Variants in RNF220 observed in about 807,000 individuals in gnomAD.
RNF220 encodes the protein E3 ubiquitin-protein ligase RNF220.
Under a neutral mutation model 67.1 loss-of-function variants are expected in RNF220, and 7 were observed. The observed-to-expected ratio is 0.10, with a 90% confidence interval of 0.06 to 0.20. The LOEUF is 0.20. RNF220 is among the 10% of genes least tolerant of loss of function. The pLI is 1.00. For synonymous variants in RNF220, 270 were observed against 283.2 expected (o/e 0.95, Z 0.47); for missense variants, 565 against 740.3 (o/e 0.76, Z 2.75).
At chr1:44,485,136 A>G (rs917736023) in intron 2 of RNF220, among the ~76,000 whole-genome samples, 3 of 152,226 alleles carry the variant, frequency 2.0e-5, no homozygotes, top group Admixed American at 1.3e-4. Context: ...ACTCCATCAA[A>G]AAACAAAGAA....
At chr1:44,528,055 A>G (rs1261053878) in intron 2 of RNF220, among the ~76,000 whole-genome samples, 3 of 152,092 alleles carry the variant, frequency 2.0e-5, no homozygotes, top group African/African-American at 7.2e-5. Context: ...TACAACAACA[A>G]AAGCCCCACC....
chr1:44,588,190 T>C (rs1414492578), intron 2 of RNF220, among the ~76,000 whole-genome samples: 1 of 152,228 alleles, frequency 6.6e-6, no homozygotes, highest in Non-Finnish European at 1.5e-5. Flanking sequence ...GCCCTGGGCA[T>C]ATCCTGCAAT....
At chr1:44,408,286 G>C (rs1006232757) in intron 1 of RNF220, among the ~76,000 whole-genome samples, 5 of 152,156 alleles carry the variant, frequency 3.3e-5, no homozygotes, top group Admixed American at 2.0e-4. Flanking sequence ...TCTCGGATTC[G>C]CACCCTTTGG....
intron 2 of RNF220, among the ~76,000 whole-genome samples, chr1:44,520,994 CA>C (rs1659894233): frequency 6.6e-6 from 1 of 152,174 alleles, no homozygotes; most frequent in South Asian, 2.1e-4. Flanking sequence ...CTCCTGGGCT[CA>C]AAGGATCCTC....
chr1:44,492,479 T>A (rs1656938204), intron 2 of RNF220, among the ~76,000 whole-genome samples: 1 of 152,182 alleles, frequency 6.6e-6, no homozygotes, highest in African/African-American at 2.4e-5. Flanking sequence ...TGCATAGAAG[T>A]ATTATTCATG....
Position 44,645,938 on chromosome 1 carries a change from G to A in RNF220, c.1445+450G>A, listed in dbSNP as rs1483948802. 3.3e-5 allele frequency among the ~76,000 whole-genome samples: 5 copies of A among 152,190 alleles called. No homozygotes were observed. Among genetic ancestry groups the A allele is most frequent in the Non-Finnish European group, 7.4e-5 (5 of 68,020 alleles). The stretch of plus-strand genomic sequence containing the variant: ...ACTTCTGGTAGGAATTTTTGGCCTG[G>A]GTTCTCTGGCAGAGGAAAAGGGATC... On this transcript the variant is annotated intron_variant, in intron 12 of 14. Coordinates refer to ENST00000361799, the MANE Select transcript of RNF220 (RefSeq NM_018150.4). This position sits in a 1 kb window ranked among gnomAD's most constrained non-coding sequence, Gnocchi z 5.0.
At chr1:44,540,189 A>G (rs1375018094) in intron 2 of RNF220, among the ~76,000 whole-genome samples, 1 of 152,094 alleles carries the variant, frequency 6.6e-6, no homozygotes, top group African/African-American at 2.4e-5. Flanking sequence ...GCCTTCCTCA[A>G]CCACTGCCCA....
chr1:44,630,278 T>G (rs1644079096), intron 5 of RNF220, among the ~76,000 whole-genome samples: 1 of 152,230 alleles, frequency 6.6e-6, no homozygotes, highest in Non-Finnish European at 1.5e-5. Context: ...TAACTAACCC[T>G]CTTTATCATT....
At chr1:44,532,738 T>C (rs915220330) in intron 2 of RNF220, among the ~76,000 whole-genome samples, 6 of 152,230 alleles carry the variant, frequency 3.9e-5, no homozygotes, top group Non-Finnish European at 7.3e-5. Context: ...GAGCATTGCC[T>C]TCATTATCTC....
intron 2 of RNF220, among the ~76,000 whole-genome samples, chr1:44,503,155 G>A (rs1399805808): frequency 6.6e-6 from 1 of 152,084 alleles, no homozygotes; most frequent in South Asian, 2.1e-4. Context: ...CCAACATGGT[G>A]AAACCCCGTC....
rs747958318 is a variant in RNF220, at chr1:44,636,011, C to A, written c.994-19C>A. 9.9e-6 allele frequency: 16 copies of A among 1,614,100 alleles called. No homozygotes were observed. The highest frequency in any genetic ancestry group is 1.3e-5 in the African/African-American group (1 of 74,940). On this transcript the variant is annotated intron_variant, in intron 7 of 14. Coordinates refer to ENST00000361799, the MANE Select transcript of RNF220 (RefSeq NM_018150.4). Reference sequence around the variant, plus strand: ...GGGGATGGCCTGGGCCCAGCATGATCCTGCTCTGCTCTTCACAGAGGGAAG... The same window carrying A: ...GGGGATGGCCTGGGCCCAGCATGATACTGCTCTGCTCTTCACAGAGGGAAG...
chr1:44,495,833 A>C (rs1201235629), intron 2 of RNF220, among the ~76,000 whole-genome samples: 4 of 152,224 alleles, frequency 2.6e-5, no homozygotes, highest in Admixed American at 2.6e-4. Flanking sequence ...CTGGGAAGAC[A>C]GACATCTGTT....
intron 2 of RNF220, among the ~76,000 whole-genome samples, chr1:44,611,432 G>C (rs1041309440): frequency 2.6e-5 from 4 of 152,194 alleles, no homozygotes; most frequent in African/African-American, 9.7e-5. Context: ...GGTGTACCAG[G>C]CTAATGGGGG....
chr1:44,614,381 C>A (rs1337284040), intron 3 of RNF220, 84 bp downstream of exon 3: 5 of 1,498,646 alleles, frequency 3.3e-6, no homozygotes, highest in Admixed American at 3.7e-5. Flanking sequence ...GCCGCCTGGC[C>A]CATACCCCAG....
chr1:44,592,886 G>A lies in RNF220; in HGVS notation c.626-21279G>A, dbSNP rs553283754. 5.3e-5 allele frequency among the ~76,000 whole-genome samples: 8 copies of A among 152,290 alleles called. 1 individual carries two copies. Among genetic ancestry groups the A allele is most frequent in the Admixed American group, 1.3e-4 (2 of 15,300 alleles). ...CTATGACAGCCCAGCCCTGGCCCTC[G>A]CATTCTGCCTACAATGGAGCCACCA... On this transcript the variant is annotated intron_variant, in intron 2 of 14. Transcript: ENST00000361799.
intron 2 of RNF220, among the ~76,000 whole-genome samples, chr1:44,588,455 C>A (rs916836518): frequency 6.6e-6 from 1 of 152,318 alleles, no homozygotes; most frequent in African/African-American, 2.4e-5. Flanking sequence ...GTGGAGTAGC[C>A]GCCCTCTAAG....
At chr1:44,559,606 C>T (rs34916501) in intron 2 of RNF220, among the ~76,000 whole-genome samples, 5,704 of 152,138 alleles carry the variant, frequency 0.037, 159 homozygotes, top group Non-Finnish European at 0.057. Context: ...GGTCTAGCCC[C>T]GGGAGGAAGG....
intron 2 of RNF220, among the ~76,000 whole-genome samples, chr1:44,434,195 G>T (rs1007571635): frequency 1.3e-5 from 2 of 152,188 alleles, no homozygotes; most frequent in East Asian, 3.9e-4. Flanking sequence ...ACTATGTAAG[G>T]GTTTGGGAAT....
chr1:44,513,380 C>T (rs1659186984), intron 2 of RNF220, among the ~76,000 whole-genome samples: 1 of 152,184 alleles, frequency 6.6e-6, no homozygotes, highest in African/African-American at 2.4e-5. Context: ...CATGGTTAAA[C>T]ACTTAAACAA....
Sources: gnomAD v4.1 joint callset for allele counts (sites outside exome capture counted in the v4.1 genomes callset) on GRCh38, gnomAD v4.1.1 for gene constraint, Gnocchi (gnomAD v3.1) non-coding constraint, MANE v1.5 for transcripts, NCBI Gene and HGNC (gene_info 2026-07-23, HGNC 2026-07-21) for gene names.